The following PODXL2 variants were observed in gnomAD, a reference collection of about 807,000 sequenced individuals.
PODXL2 encodes the protein podocalyxin-like protein 2.
In PODXL2, 17 loss-of-function variants were observed where a neutral mutation model predicts 53.4. The observed-to-expected ratio is 0.32, with a 90% CI of 0.22 to 0.48. The LOEUF is 0.48. Ranked by LOEUF, PODXL2 falls within the 20% of genes least tolerant of loss-of-function variation. The pLI is 0.99. For missense variants in PODXL2, 673 were observed against 760.0 expected (o/e 0.89, Z 1.35); for synonymous variants, 311 against 306.7 (o/e 1.01, Z -0.15).
At chr3:127,647,071 GT>G (rs879861191) in intron 2 of PODXL2, among the ~76,000 whole-genome samples, 2 of 152,136 alleles carry the variant, frequency 1.3e-5, no homozygotes, top group Admixed American at 6.5e-5. Flanking sequence ...TTTCTGCTTG[GT>G]GGATAATGAG....
In PODXL2 at chr3:127,639,296, G is replaced by A; in HGVS notation, c.122G>A (p.Gly41Asp). 1 of 1,613,366 alleles carries A rather than the reference G, an allele frequency of 6.2e-7. No individual in the cohort carries two copies. Among genetic ancestry groups the A allele is most frequent in the Non-Finnish European group, 8.5e-7 (1 of 1,179,992 alleles). ...VAGSDEPGPE[G>D]LTSTSLLDLL... ...GGGTCTGATGAGCCTGGCCCAGAGG[G>A]CCTCACCTCCACCTCCCTGCTAGAC... The change falls in exon 2 of 8, where the codon GGC (glycine) becomes GAC (aspartate). Residue 41 changes from glycine (G) to aspartate (D), a missense_variant. Coordinates refer to ENST00000342480, the MANE Select transcript of PODXL2 (RefSeq NM_015720.4).
intron 2 of PODXL2, among the ~76,000 whole-genome samples, chr3:127,649,735 G>A (rs1222521424): frequency 3.3e-5 from 5 of 152,198 alleles, no homozygotes; most frequent in Admixed American, 6.5e-5. Flanking sequence ...TGAGGAGTTC[G>A]AGACCAGCCT....
At chr3:127,647,413 A>T (rs1365917633) in intron 2 of PODXL2, among the ~76,000 whole-genome samples, 2 of 152,192 alleles carry the variant, frequency 1.3e-5, no homozygotes, top group Non-Finnish European at 2.9e-5. Flanking sequence ...AAGCTCCTTA[A>T]GGAAATTGTC....
chr3:127,641,164 G>A (rs185665758), intron 2 of PODXL2, among the ~76,000 whole-genome samples: 8 of 152,116 alleles, frequency 5.3e-5, no homozygotes, highest in South Asian at 4.2e-4. Context: ...TGCCCGTCTC[G>A]GCCTCCCAAA....
chr3:127,672,620 C>A lies in PODXL2; in HGVS notation c.*140C>A. On this transcript the variant is annotated 3_prime_UTR_variant, in exon 8 of 8. Transcript: ENST00000342480. Reference sequence around the variant, plus strand: ...GGCCCTCGGCGCGGGCTCCTTCCCGCTTCCCCCGACTTCACACGGCGGCTT... The same window carrying A: ...GGCCCTCGGCGCGGGCTCCTTCCCGATTCCCCCGACTTCACACGGCGGCTT... The A allele has an allele frequency of 1.9e-6, 1 of 530,042 alleles. No individual in the cohort carries two copies. Among genetic ancestry groups the A allele is most frequent in the African/African-American group, 2.0e-5 (1 of 49,616 alleles). The allele number at this position is 530,042 out of a possible 1,614,324, so 32.8% of individuals were successfully genotyped here.
intron 2 of PODXL2, 58 bp downstream of exon 2, chr3:127,639,581 C>T (rs2074601443): frequency 6.8e-7 from 1 of 1,462,382 alleles, no homozygotes; most frequent in African/African-American, 1.4e-5. Flanking sequence ...CTAGGCAAAA[C>T]ACCAGGTGAC....
In PODXL2 at chr3:127,668,382, A is replaced by AG. The variant is rs1015356305; in HGVS notation, c.1207-56dup. ...AGTACGGGGCTGGGCCTAGAGGCAGAGGGCTCAGTAGAGCCCCTTTCCTTC... is the reference window on the plus strand; with the variant it reads ...AGTACGGGGCTGGGCCTAGAGGCAGAGGGGCTCAGTAGAGCCCCTTTCCTTC... On this transcript the variant is annotated intron_variant, in intron 4 of 7. Transcript: ENST00000342480. 5.8e-6 allele frequency: 8 copies of AG among 1,380,894 alleles called. No individual in the cohort carries two copies. The Admixed American group carries it at 2.4e-4, about 41-fold the overall frequency. The allele number at this position is 1,380,894 out of a possible 1,614,324, so 85.5% of individuals were successfully genotyped here.
chr3:127,651,141 T>G (rs1305620585), intron 2 of PODXL2, among the ~76,000 whole-genome samples: 1 of 152,168 alleles, frequency 6.6e-6, no homozygotes, highest in Non-Finnish European at 1.5e-5. Context: ...GCGGGCACTT[T>G]AATCCCAGCT....
rs2074524959 is a variant in PODXL2, at chr3:127,629,264, G to T, written c.45G>T (p.Ser15=). 2 of 1,014,076 alleles carry T rather than the reference G, an allele frequency of 2.0e-6. No individual in the cohort carries two copies. Among genetic ancestry groups the T allele is most frequent in the South Asian group, 4.5e-5 (1 of 22,356 alleles). The allele number at this position is 1,014,076 out of a possible 1,614,324, so 62.8% of individuals were successfully genotyped here. Residue 15 remains serine, a synonymous_variant, in exon 1 of 8, where the codon TCG becomes TCT. Transcript: ENST00000342480. The surrounding 1 kb of genome is among the most constrained non-coding windows in gnomAD (Gnocchi z 6.4). ...LRAARLPPLL[S]PLLLLLVGGA... ...CCGCCCGGCTGCCGCCGCTGCTTTC[G>T]CCGCTGCTGCTTCTGCTGGTTGGGG...
rs2074863496 is a variant in PODXL2, at chr3:127,672,714, C to T, written c.*234C>T. ...CCCGCCTTGGCCCCGCTTTCCCGCC[C>T]CTGAACCCCGGCCCCGCGGGCGGCG... is the stretch of plus-strand genomic sequence containing the variant. On this transcript the variant is annotated 3_prime_UTR_variant, in exon 8 of 8. Coordinates refer to ENST00000342480, the MANE Select transcript of PODXL2 (RefSeq NM_015720.4). 7.0e-6 allele frequency: 3 copies of T among 428,746 alleles called. No individual in the cohort carries two copies. The highest frequency in any genetic ancestry group is 1.2e-5 in the Non-Finnish European group (3 of 247,542). 26.6% of individuals were successfully genotyped at this position (428,746 alleles called of 1,614,324 possible).
intron 2 of PODXL2, among the ~76,000 whole-genome samples, chr3:127,647,289 G>T (rs2074662545): frequency 6.6e-6 from 1 of 152,172 alleles, no homozygotes; most frequent in Admixed American, 6.5e-5. Flanking sequence ...ATCAAGTGAA[G>T]TTACAGCCTG....
intron 2 of PODXL2, among the ~76,000 whole-genome samples, chr3:127,657,433 T>C (rs2074732356): frequency 6.6e-6 from 1 of 152,200 alleles, no homozygotes; most frequent in Non-Finnish European, 1.5e-5. Context: ...CTTCACCATC[T>C]CTATTAATGG....
chr3:127,644,590 C>G (rs540394974), intron 2 of PODXL2, among the ~76,000 whole-genome samples: 20 of 152,322 alleles, frequency 1.3e-4, no homozygotes, highest in East Asian at 1.9e-4. Context: ...TGTCCTCCCC[C>G]CTCCCCAGGG....
chr3:127,653,193 T>A (rs756511572), intron 2 of PODXL2, among the ~76,000 whole-genome samples: 2 of 152,128 alleles, frequency 1.3e-5, no homozygotes, highest in Non-Finnish European at 2.9e-5. Context: ...AAAAGCACCT[T>A]CCTCCCTGTC....
chr3:127,641,197 C>T (rs1412813070), intron 2 of PODXL2, among the ~76,000 whole-genome samples: 2 of 152,092 alleles, frequency 1.3e-5, no homozygotes, highest in Non-Finnish European at 2.9e-5. Flanking sequence ...CAGGTCTGAG[C>T]CACCGCACCC....
intron 1 of PODXL2, among the ~76,000 whole-genome samples, chr3:127,634,473 G>A (rs766016243): frequency 6.0e-5 from 9 of 148,902 alleles, no homozygotes; most frequent in Non-Finnish European, 8.9e-5. Context: ...CTGTAATCCC[G>A]GCACTTTGGG....
In PODXL2 at chr3:127,672,441, C is replaced by T. The variant is rs896381162; in HGVS notation, c.1779C>T (p.Pro593=). The part of the protein sequence containing the change: ...WGALMGGKRD[P]EDSDVFEEDT... Reference sequence around the variant, plus strand: ...CGCTCATGGGGGGCAAGCGGGACCCCGAGGACTCGGACGTGTTCGAGGAGG... The same window carrying T: ...CGCTCATGGGGGGCAAGCGGGACCCTGAGGACTCGGACGTGTTCGAGGAGG... Residue 593 remains proline (P), a synonymous_variant, in exon 8 of 8, where the codon CCC becomes CCT. Transcript: ENST00000342480. 2 of 1,538,220 alleles carry T rather than the reference C, an allele frequency of 1.3e-6. No homozygotes were observed. The highest frequency in any genetic ancestry group is 2.7e-5 in the African/African-American group (2 of 72,786).
chr3:127,657,962 A>T (rs1322031441), intron 2 of PODXL2, among the ~76,000 whole-genome samples: 5 of 152,214 alleles, frequency 3.3e-5, no homozygotes, highest in Non-Finnish European at 5.9e-5. Flanking sequence ...TGTTAACTAG[A>T]CTAACTTTTC....
chr3:127,646,665 C>T (rs1271341812), intron 2 of PODXL2, among the ~76,000 whole-genome samples: 4 of 152,202 alleles, frequency 2.6e-5, no homozygotes, highest in Non-Finnish European at 2.9e-5. Flanking sequence ...GGATTGCAGA[C>T]GTGAGCCACC....
Sources: allele counts gnomAD v4.1 joint callset (sites outside exome capture counted in the v4.1 genomes callset), GRCh38; gene constraint gnomAD v4.1.1; non-coding constraint Gnocchi (gnomAD v3.1); transcripts MANE v1.5; gene names NCBI Gene and HGNC (gene_info 2026-07-23, HGNC 2026-07-21).